The following LMO7 variants were observed in gnomAD, a reference collection of about 807,000 sequenced individuals.
The protein encoded by LMO7 is LIM domain 7.
LMO7 carries 120 observed loss-of-function variants against 206.5 expected under a neutral mutation model. The ratio of observed to expected loss-of-function variants is 0.58; its 90% CI spans 0.50 to 0.68. LMO7 has a LOEUF of 0.68. LMO7 is among the 30% of genes least tolerant of loss of function. The pLI, the probability that LMO7 is intolerant of heterozygous loss-of-function variation, is 0.00. For synonymous variants in LMO7, 706 were observed against 681.5 expected (o/e 1.04, Z -0.56); for missense variants, 1,959 against 1,957.9 (o/e 1.00, Z -0.01).
intron 4 of LMO7, among the ~76,000 whole-genome samples, chr13:75,773,227 G>C (rs1255018694): frequency 1.3e-5 from 2 of 152,100 alleles, no homozygotes; most frequent in Non-Finnish European, 2.9e-5. Context: ...TTCTGATGGG[G>C]GAAGCTTAAG....
intron 1 of LMO7, among the ~76,000 whole-genome samples, chr13:75,663,199 C>T (rs577952093): frequency 6.6e-6 from 1 of 151,394 alleles, no homozygotes; most frequent in South Asian, 2.1e-4. Context: ...TTTGGGTTGA[C>T]TGTTTTTTAG....
At chr13:75,686,247 G>A (rs554549428) in intron 1 of LMO7, among the ~76,000 whole-genome samples, 7 of 152,180 alleles carry the variant, frequency 4.6e-5, no homozygotes, top group Non-Finnish European at 7.4e-5. Context: ...ACAGTTCCAC[G>A]TGGCTCACAA....
chr13:75,667,020 G>A (rs989763834), intron 1 of LMO7, among the ~76,000 whole-genome samples: 6 of 152,174 alleles, frequency 3.9e-5, no homozygotes, highest in African/African-American at 1.4e-4. Context: ...GGTTTTTGAT[G>A]TCTGAGGCCA....
At chr13:75,772,680 CTTTTT>C (rs1413635486) in intron 4 of LMO7, among the ~76,000 whole-genome samples, 1 of 151,808 alleles carries the variant, frequency 6.6e-6, no homozygotes, top group Non-Finnish European at 1.5e-5. Context: ...TGAAGGAATT[CTTTTT>C]TTTAACAAAA....
At chr13:75,712,462 T>TC (rs983734519) in intron 1 of LMO7, among the ~76,000 whole-genome samples, 4 of 152,110 alleles carry the variant, frequency 2.6e-5, no homozygotes, top group African/African-American at 9.6e-5. Context: ...CCCAGCCACC[T>TC]CCCCCTTCAG....
Position 75,713,207 on chromosome 13 carries a change from C to G in LMO7, c.95C>G (p.Thr32Arg). 6.3e-7 allele frequency: 1 copy of G among 1,596,184 alleles called. No homozygotes were observed. Among genetic ancestry groups the G allele is most frequent in the Non-Finnish European group, 8.5e-7 (1 of 1,171,590 alleles). Reference sequence around the variant, plus strand: ...GCAGTAACAGAGAAGAATTTTGAAACAAAAGATTTTCGAGCCTCTCTAGAA... The same window carrying G: ...GCAGTAACAGAGAAGAATTTTGAAAGAAAAGATTTTCGAGCCTCTCTAGAA... ...VEAVTEKNFETKDFRASLENG... is the reference protein window; with the variant it reads ...VEAVTEKNFERKDFRASLENG... The change falls in exon 2 of 31, where the codon ACA becomes AGA. Residue 32 changes from threonine to arginine, a missense_variant. Transcript: ENST00000377534.
chr13:75,657,057 G>T (rs377028119), intron 1 of LMO7, among the ~76,000 whole-genome samples: 2 of 152,166 alleles, frequency 1.3e-5, no homozygotes, highest in South Asian at 4.1e-4. Context: ...GGGTAGATTT[G>T]GATACAGAGG....
intron 1 of LMO7, among the ~76,000 whole-genome samples, chr13:75,651,317 T>G (rs2037533732): frequency 6.6e-6 from 1 of 151,628 alleles, no homozygotes; most frequent in Admixed American, 6.6e-5. Context: ...TCCTTTTTTT[T>G]TTTTTTTTCT....
At chr13:75,667,597 G>T (rs1011114707) in intron 1 of LMO7, among the ~76,000 whole-genome samples, 2 of 151,942 alleles carry the variant, frequency 1.3e-5, no homozygotes, top group African/African-American at 2.4e-5. Context: ...TCTTGGGTTT[G>T]GTTCTTATTT....
intron 1 of LMO7, among the ~76,000 whole-genome samples, chr13:75,648,702 G>A (rs2037277794): frequency 6.6e-6 from 1 of 152,224 alleles, no homozygotes; most frequent in Non-Finnish European, 1.5e-5. Flanking sequence ...ATGGGACAGG[G>A]CCTTAGAGAC....
At chr13:75,745,204 C>G (rs1311956509) in intron 3 of LMO7, among the ~76,000 whole-genome samples, 2 of 152,022 alleles carry the variant, frequency 1.3e-5, no homozygotes, top group African/African-American at 4.8e-5. Flanking sequence ...TCCTGAGGGT[C>G]TGAACAGAAT....
intron 3 of LMO7, among the ~76,000 whole-genome samples, chr13:75,751,673 T>C (rs1448041286): frequency 6.6e-6 from 1 of 152,210 alleles, no homozygotes; most frequent in Non-Finnish European, 1.5e-5. Context: ...ATTTTGATCT[T>C]ATTTAGGACT....
intron 1 of LMO7, among the ~76,000 whole-genome samples, chr13:75,643,486 T>C (rs9318364): frequency 0.52 from 79,326 of 152,038 alleles, 21,025 homozygotes; most frequent in Admixed American, 0.62. Flanking sequence ...AATGAATGAA[T>C]GTTTTGTGTC....
chr13:75,747,585 G>A (rs1255408832), intron 3 of LMO7, among the ~76,000 whole-genome samples: 1 of 152,100 alleles, frequency 6.6e-6, no homozygotes, highest in Admixed American at 6.6e-5. Flanking sequence ...GTGAGCCTTC[G>A]AGTGATGTTT....
intron 3 of LMO7, among the ~76,000 whole-genome samples, chr13:75,750,600 G>A (rs1376639998): frequency 5.3e-5 from 8 of 152,116 alleles, no homozygotes; most frequent in East Asian, 3.9e-4. Context: ...TGACTATGTT[G>A]CCCAGGCTGG....
intron 1 of LMO7, among the ~76,000 whole-genome samples, chr13:75,692,924 G>A (rs1215384870): frequency 6.6e-6 from 1 of 152,078 alleles, no homozygotes; most frequent in Non-Finnish European, 1.5e-5. Flanking sequence ...GAAGCAGTGC[G>A]GAAGCATCCT....
chr13:75,695,920 T>C (rs1464830685), intron 1 of LMO7, among the ~76,000 whole-genome samples: 2 of 150,130 alleles, frequency 1.3e-5, no homozygotes, highest in Admixed American at 1.3e-4. Flanking sequence ...TTGTATGTTT[T>C]ATGTACCTAG....
chr13:75,742,241 A>G (rs1158865234), intron 3 of LMO7, among the ~76,000 whole-genome samples: 1 of 152,246 alleles, frequency 6.6e-6, no homozygotes, highest in Non-Finnish European at 1.5e-5. Flanking sequence ...GAGATGACAC[A>G]AATAAATGGA....
chr13:75,635,018 C>CA (rs1414722918), upstream of LMO7, among the ~76,000 whole-genome samples: 3 of 72,378 alleles, frequency 4.1e-5, no homozygotes, highest in Admixed American at 4.2e-4. Flanking sequence ...CAAAACAAAA[C>CA]AAAACAAAAC....
Sources: gnomAD v4.1 joint callset for allele counts (sites outside exome capture counted in the v4.1 genomes callset) on GRCh38, gnomAD v4.1.1 for gene constraint, MANE v1.5 for transcripts, NCBI Gene and HGNC (gene_info 2026-07-23, HGNC 2026-07-21) for gene names.